Variants in EFHB observed in about 807,000 individuals in gnomAD.
EFHB encodes the protein EF-hand domain family member B.
A neutral mutation model predicts 87.2 loss-of-function variants in EFHB; 91 were observed. That is an observed-to-expected ratio of 1.04 (90% confidence interval 0.88 to 1.24). The LOEUF (loss-of-function observed/expected upper bound fraction) is 1.24, where lower values mean the gene tolerates loss of function less well. Among genes scored for constraint, EFHB ranks in the 50% most tolerant of loss-of-function variants. The pLI is 0.00. For missense variants in EFHB, 1,084 were observed against 998.8 expected (o/e 1.09, Z -1.15); for synonymous variants, 325 against 333.6 (o/e 0.97, Z 0.28).
In EFHB at chr3:19,933,280, T is replaced by TC. The variant is rs1339742005; in HGVS notation, c.738_739insG (p.Arg247GlufsTer10). On this transcript the variant is annotated frameshift_variant, in exon 1 of 13. Coordinates refer to ENST00000295824, the MANE Select transcript of EFHB (RefSeq NM_144715.4). LOFTEE classifies it high-confidence loss of function. ...AAAAACTTCCCAGAGTATATGGGTC[T>TC]GATGCGATCTGGAGGTTCCACTCCT... The TC allele has an allele frequency of 1.9e-6, 3 of 1,614,064 alleles. No homozygotes were observed. In the South Asian group the frequency reaches 3.3e-5, roughly 18 times the overall value.
At chr3:19,936,112 T>C (rs777216396), upstream of EFHB, 7 of 1,342,446 alleles carry the variant, frequency 5.2e-6, no homozygotes, top group South Asian at 1.1e-4. Flanking sequence ...TTTTTAAAAG[T>C]GTGTAGGGGT....
In EFHB at chr3:19,923,531, C is replaced by A. The variant is rs886849934; in HGVS notation, c.790-2964G>T. 2.6e-5 allele frequency among the ~76,000 whole-genome samples: 4 copies of A among 152,214 alleles called. No individual in the cohort carries two copies. In the East Asian group the frequency reaches 7.8e-4, roughly 30 times the overall value. On this transcript the variant is annotated intron_variant, in intron 1 of 12. Transcript: ENST00000295824. ...GGGACTACAAGTGTGGGCCACCATGCCTAGCTAATTTTTGTATTTTTTTTG... is the reference window on the plus strand; with the variant it reads ...GGGACTACAAGTGTGGGCCACCATGACTAGCTAATTTTTGTATTTTTTTTG...
chr3:19,939,552 T>C (rs1202916265), intron 1 of EFHB, among the ~76,000 whole-genome samples: 2 of 111,410 alleles, frequency 1.8e-5, no homozygotes, highest in Non-Finnish European at 3.8e-5. Flanking sequence ...ACCCGGCTAA[T>C]TTTTTGTATT....
At chr3:19,939,450 T>C (rs894370557) in intron 1 of EFHB, among the ~76,000 whole-genome samples, 4 of 135,258 alleles carry the variant, frequency 3.0e-5, no homozygotes, top group African/African-American at 5.4e-5. Flanking sequence ...AGTGGCGCGA[T>C]CTTGGCTCAC....
intron 5 of EFHB, among the ~76,000 whole-genome samples, chr3:19,906,786 G>T (rs1403688837): frequency 6.6e-6 from 1 of 151,830 alleles, no homozygotes; most frequent in African/African-American, 2.4e-5. Context: ...AAAGTTAGAG[G>T]CATCACACAT....
At chr3:19,934,269 C>G, upstream of EFHB, 2 of 1,401,326 alleles carry the variant, frequency 1.4e-6, no homozygotes, top group Non-Finnish European at 1.8e-6. Context: ...TCAAGTCCTG[C>G]TTGGACAGAT....
At position 19,884,511 on chromosome 3, in the gene EFHB, T is replaced by G; in HGVS notation, c.2038A>C (p.Thr680Pro). The change falls in exon 11 of 13, where the codon ACA becomes CCA. Residue 680 changes from threonine (T) to proline (P), a missense_variant. Thr to Pro is a conservative substitution (Grantham distance 38). Coordinates refer to ENST00000295824, the MANE Select transcript of EFHB (RefSeq NM_144715.4). ...EDIVLKEAGS[T>P]EKTLRTLLRP... ...AGAAGTGTCCGGAGAGTCTTTTCTG[T>G]GCTTCCTGCTTCTTTTAAGACAATA... 6.2e-7 allele frequency: 1 copy of G among 1,614,014 alleles called. No homozygotes were observed.
intron 4 of EFHB, among the ~76,000 whole-genome samples, chr3:19,916,035 A>G (rs1167152834): frequency 6.6e-6 from 1 of 152,156 alleles, no homozygotes; most frequent in Non-Finnish European, 1.5e-5. Context: ...TACTCCAAGC[A>G]CAGTTAAATT....
chr3:19,904,164 T>A (rs1324601561), intron 6 of EFHB, among the ~76,000 whole-genome samples: 1 of 151,974 alleles, frequency 6.6e-6, no homozygotes, highest in Non-Finnish European at 1.5e-5. Flanking sequence ...AGGGCAGAGG[T>A]CAGAACAAAT....
chr3:19,922,629 T>C (rs141738045), intron 1 of EFHB, among the ~76,000 whole-genome samples: 24 of 152,134 alleles, frequency 1.6e-4, no homozygotes, highest in African/African-American at 4.3e-4. Context: ...GGGCAGTGTA[T>C]AGGAAAGGCA....
At chr3:19,908,562 A>AAGAGAGAAAGAGAGAAAGAGAG (rs1559459432) in intron 5 of EFHB, among the ~76,000 whole-genome samples, 1 of 83,818 alleles carries the variant, frequency 1.2e-5, no homozygotes, top group African/African-American at 4.9e-5. Context: ...GAAAGAGAGA[A>AAGAGAGAAAGAGAGAAAGAGAG]AGAGAGAGAG....
At chr3:19,908,142 A>G (rs1182415756) in intron 5 of EFHB, among the ~76,000 whole-genome samples, 3 of 152,240 alleles carry the variant, frequency 2.0e-5, no homozygotes, top group Non-Finnish European at 4.4e-5. Flanking sequence ...AAAATATTTC[A>G]TAAGACAAAA....
chr3:19,908,561 A>AG (rs1491351400), intron 5 of EFHB, among the ~76,000 whole-genome samples: 14 of 52,146 alleles, frequency 2.7e-4, no homozygotes, highest in South Asian at 2.3e-3. Context: ...AGAAAGAGAG[A>AG]AAGAGAGAGA....
At position 19,933,269 on chromosome 3, in the gene EFHB, G is replaced by GT; in HGVS notation, c.749dup (p.Tyr250Ter). 1 of 1,613,994 alleles carries GT rather than the reference G, an allele frequency of 6.2e-7. No individual in the cohort carries two copies. Among genetic ancestry groups the GT allele is most frequent in the African/African-American group, 1.3e-5 (1 of 75,036 alleles). The change falls in exon 1 of 13, where the codon TAC becomes TAAC. Residue 250 changes from tyrosine (Y) to a stop codon, truncating the protein, a stop_gained and frameshift_variant. Transcript: ENST00000295824. LOFTEE classifies it high-confidence loss of function. Reference sequence around the variant, plus strand: ...GGGTCCGATCAAAAAACTTCCCAGAGTATATGGGTCTGATGCGATCTGGAG... The same window carrying GT: ...GGGTCCGATCAAAAAACTTCCCAGAGTTATATGGGTCTGATGCGATCTGGAG... ...VEPPDRIRPIYSGKFFDRTPC... is the reference protein window; with the variant it reads ...VEPPDRIRPI
intron 10 of EFHB, among the ~76,000 whole-genome samples, chr3:19,885,862 A>T (rs1694082801): frequency 6.6e-6 from 1 of 152,198 alleles, no homozygotes; most frequent in Non-Finnish European, 1.5e-5. Flanking sequence ...TTTGAAAAAG[A>T]ATTTCTCAAA....
chr3:19,946,753 C>T (rs1298687070), intron 1 of EFHB, among the ~76,000 whole-genome samples: 1 of 152,148 alleles, frequency 6.6e-6, no homozygotes, highest in Non-Finnish European at 1.5e-5. Context: ...GGGAACCTCG[C>T]CGCTCCCACA....
At chr3:19,886,660 G>A (rs1350312864) in intron 10 of EFHB, among the ~76,000 whole-genome samples, 1 of 96,728 alleles carries the variant, frequency 1.0e-5, no homozygotes, top group Non-Finnish European at 1.8e-5. Context: ...TGGGCAAACA[G>A]AGTGAGACAC....
chr3:19,908,562 AAGAGAGAGAGAG>A lies in EFHB; in HGVS notation c.1289-2825_1289-2814del, dbSNP rs71624361. 7.8e-3 allele frequency among the ~76,000 whole-genome samples: 658 copies of A among 83,842 alleles called. 13 individuals are homozygous for A. Among genetic ancestry groups the A allele is most frequent in the African/African-American group, 0.027 (546 of 20,546 alleles). 55.0% of individuals were successfully genotyped at this position (83,842 alleles called of 152,430 possible). ...AAAGAAAGAAAGAGAGAAAGAGAGA[AAGAGAGAGAGAG>A]AGAGAGAGAGAGAGAGAGAGAGAGA... is the stretch of plus-strand genomic sequence containing the variant. On this transcript the variant is annotated intron_variant, in intron 5 of 12. Transcript: ENST00000295824.
intron 8 of EFHB, among the ~76,000 whole-genome samples, chr3:19,898,188 C>T (rs1694548540): frequency 6.6e-6 from 1 of 152,182 alleles, no homozygotes; most frequent in Admixed American, 6.5e-5. Context: ...TCTTCTGCTA[C>T]TTTATGTATT....
Sources: gnomAD v4.1 joint callset for allele counts (sites outside exome capture counted in the v4.1 genomes callset) on GRCh38, gnomAD v4.1.1 for gene constraint, MANE v1.5 for transcripts, NCBI Gene and HGNC (gene_info 2026-07-23, HGNC 2026-07-21) for gene names.